LRCH3: variants seen among roughly 807,000 people sequenced by gnomAD.
The protein encoded by LRCH3 is leucine rich repeats and calponin homology domain containing 3.
Under a neutral mutation model 104.5 loss-of-function variants are expected in LRCH3, and 68 were observed. That is an observed-to-expected ratio of 0.65 (90% CI 0.54 to 0.80). LRCH3 has a LOEUF of 0.80. Ranked by LOEUF, LRCH3 falls within the 30% of genes least tolerant of loss-of-function variation. The pLI, the probability that LRCH3 is intolerant of heterozygous loss-of-function variation, is 0.00. For synonymous variants in LRCH3, 344 were observed against 361.3 expected, an observed-to-expected ratio of 0.95 and a Z score of 0.54; for missense variants, 951 against 953.9, an observed-to-expected ratio of 1.00 and a Z score of 0.04.
At chr3:197,877,575 T>A (rs2109555434) in intron 20 of LRCH3, among the ~76,000 whole-genome samples, 1 of 152,146 alleles carries the variant, frequency 6.6e-6, no homozygotes, top group South Asian at 2.1e-4. Context: ...GTGATTCTCT[T>A]TACCCAGTTC....
intron 17 of LRCH3, 136 bp from the exon 18 acceptor site, chr3:197,870,024 A>G (rs1218924070): frequency 1.2e-6 from 1 of 806,172 alleles, no homozygotes; most frequent in African/African-American, 1.7e-5. Context: ...TGCAGGAGGT[A>G]GAAAGCGATG....
At position 197,854,483 on chromosome 3, in the gene LRCH3, T is replaced by C; in HGVS notation, c.1644+38T>C. 1 of 1,576,366 alleles carries C rather than the reference T, an allele frequency of 6.3e-7. No individual in the cohort carries two copies. The highest frequency in any genetic ancestry group is 1.1e-5 in the South Asian group (1 of 90,362). ...CACAAAACGGAGTTTCGCATTTCTG[T>C]GTTTAGAGATTGTACTTTTTATTCA... On this transcript the variant is annotated intron_variant, in intron 14 of 20. Transcript: ENST00000425562. The surrounding 1 kb of genome is among the most constrained non-coding windows in gnomAD (Gnocchi z 4.5).
chr3:197,827,442 G>A (rs1735358461), intron 5 of LRCH3, among the ~76,000 whole-genome samples: 1 of 152,210 alleles, frequency 6.6e-6, no homozygotes, highest in Admixed American at 6.5e-5. Flanking sequence ...AATCATAGTG[G>A]AAGCATCAGG....
chr3:197,829,785 A>G (rs1735684547), intron 6 of LRCH3, 112 bp downstream of exon 6: 2 of 699,826 alleles, frequency 2.9e-6, no homozygotes, highest in Non-Finnish European at 4.7e-6. Context: ...CTGTTTTAAC[A>G]CTGTTATTCT....
At chr3:197,797,017 C>T (rs915581698) in intron 1 of LRCH3, among the ~76,000 whole-genome samples, 1 of 151,432 alleles carries the variant, frequency 6.6e-6, no homozygotes, top group Non-Finnish European at 1.5e-5. Context: ...ATGGTGAAAC[C>T]CTGTCTCTAC....
At chr3:197,844,767 A>C (rs555716006) in intron 10 of LRCH3, among the ~76,000 whole-genome samples, 5 of 151,844 alleles carry the variant, frequency 3.3e-5, no homozygotes, top group Admixed American at 1.3e-4. Context: ...ACAGGCGCGC[A>C]CCACCACACC....
chr3:197,849,731 C>T (rs1241743996), intron 12 of LRCH3, among the ~76,000 whole-genome samples: 2 of 152,146 alleles, frequency 1.3e-5, no homozygotes, highest in Non-Finnish European at 2.9e-5. Flanking sequence ...ATTTATAGTA[C>T]ATTTGTTTTC....
intron 15 of LRCH3, among the ~76,000 whole-genome samples, chr3:197,865,213 C>G (rs1030239729): frequency 8.5e-5 from 13 of 152,140 alleles, no homozygotes; most frequent in African/African-American, 3.1e-4. Context: ...GGTCTCAACT[C>G]CTGCTCTCAA....
At position 197,870,177 on chromosome 3, in the gene LRCH3, C is replaced by T. The variant is rs1560599471; in HGVS notation, c.1891C>T (p.Pro631Ser). ...TTTTATAGGTCATGCTTCACCCCTT[C>T]CTCCATCTGCTGCACCTACCACTGA... ...ETNKGHASPL[P>S]PSAAPTTDST... The change falls in exon 18 of 21, where the codon CCT (proline) becomes TCT (serine). Residue 631 changes from proline to serine, a missense_variant. Coordinates refer to ENST00000425562, the MANE Select transcript of LRCH3 (RefSeq NM_001365715.1). 1 of 1,612,912 alleles carries T rather than the reference C, an allele frequency of 6.2e-7. No individual in the cohort carries two copies.
rs551929841 is a variant in LRCH3, at chr3:197,817,346, C to CTGTGTGTG, written c.534+52_534+59dup. On this transcript the variant is annotated intron_variant, in intron 3 of 20. Transcript: ENST00000425562. The stretch of plus-strand genomic sequence containing the variant: ...TTGTCCAACATGTGTGTGTGTGTGT[C>CTGTGTGTG]TGTGTGTGTGTGTGTATATATATAT... 1.7e-3 allele frequency: 435 copies of CTGTGTGTG among 260,804 alleles called. 26 individuals are homozygous for CTGTGTGTG. Among genetic ancestry groups the CTGTGTGTG allele is most frequent in the South Asian group, 0.011 (116 of 10,150 alleles). The allele number at this position is 260,804 out of a possible 1,614,324, so 16.2% of individuals were successfully genotyped here.
intron 20 of LRCH3, among the ~76,000 whole-genome samples, chr3:197,879,399 C>T (rs981989226): frequency 6.6e-6 from 1 of 152,136 alleles, no homozygotes; most frequent in African/African-American, 2.4e-5. Flanking sequence ...GTAATCCCAG[C>T]ACTTTGGGAG....
intron 1 of LRCH3, among the ~76,000 whole-genome samples, chr3:197,799,320 C>T (rs1251806857): frequency 1.3e-5 from 2 of 152,106 alleles, no homozygotes; most frequent in East Asian, 1.9e-4. Context: ...AATGTATGGT[C>T]AATGTGGTAA....
At chr3:197,880,859 T>G in intron 20 of LRCH3, 1 of 1,449,442 alleles carries the variant, frequency 6.9e-7, no homozygotes, top group Non-Finnish European at 9.0e-7. Flanking sequence ...ATCCTTTCTT[T>G]ATATTTGCAG....
At chr3:197,859,481 G>T (rs186372161) in intron 15 of LRCH3, 3 of 152,052 alleles carry the variant, frequency 2.0e-5, no homozygotes, top group African/African-American at 4.8e-5. Context: ...AAAAAAAATC[G>T]CAAACCCCTG....
intron 10 of LRCH3, among the ~76,000 whole-genome samples, chr3:197,839,997 A>C (rs1737556982): frequency 6.6e-6 from 1 of 151,982 alleles, no homozygotes; most frequent in Non-Finnish European, 1.5e-5. Context: ...TACAAAATAC[A>C]AAAAACGAAT....
At position 197,854,412 on chromosome 3, in the gene LRCH3, G is replaced by A; in HGVS notation, c.1611G>A (p.Arg537=). The change falls in exon 14 of 21, where the codon AGG becomes AGA. Residue 537 remains arginine (R), a synonymous_variant. Transcript: ENST00000425562. This position sits in a 1 kb window ranked among gnomAD's most constrained non-coding sequence, Gnocchi z 4.5. The part of the protein sequence containing the change: ...VDGECPFPSR[R]SQHTDDSALC... ...TCCAGTGCCCCTTCCCATCCAGAAG[G>A]TCTCAGCACACTGATGATAGTGCCT... is the stretch of plus-strand genomic sequence containing the variant. The A allele has an allele frequency of 6.2e-7, 1 of 1,614,086 alleles. No homozygotes were observed. Among genetic ancestry groups the A allele is most frequent in the South Asian group, 1.1e-5 (1 of 91,080 alleles).
At chr3:197,837,487 G>A (rs907844096) in intron 9 of LRCH3, among the ~76,000 whole-genome samples, 4 of 152,208 alleles carry the variant, frequency 2.6e-5, no homozygotes, top group Non-Finnish European at 5.9e-5. Context: ...TGATGAGGCA[G>A]CATTATTTTA....
chr3:197,808,614 T>C (rs1204532692), intron 1 of LRCH3, among the ~76,000 whole-genome samples: 1 of 152,158 alleles, frequency 6.6e-6, no homozygotes, highest in Non-Finnish European at 1.5e-5. Context: ...TTTCTTTTAG[T>C]GATTGGAAGA....
At chr3:197,830,685 G>GT (rs1735812341) in intron 6 of LRCH3, 85 bp from the exon 7 acceptor site, 1 of 1,116,744 alleles carries the variant, frequency 9.0e-7, no homozygotes, top group Non-Finnish European at 1.3e-6. Flanking sequence ...CACATTTCTT[G>GT]TTTTTTAGAA....
Sources: gnomAD v4.1 joint callset for allele counts (sites outside exome capture counted in the v4.1 genomes callset) on GRCh38, gnomAD v4.1.1 for gene constraint, Gnocchi (gnomAD v3.1) non-coding constraint, MANE v1.5 for transcripts, NCBI Gene and HGNC (gene_info 2026-07-23, HGNC 2026-07-21) for gene names.